Variants in CNTN1 observed in about 807,000 individuals in gnomAD.
The protein encoded by CNTN1 is contactin 1, also known as contactin-1.
Under a neutral mutation model 126.4 loss-of-function variants are expected in CNTN1, and 38 were observed. The ratio of observed to expected loss-of-function variants is 0.30; its 90% CI spans 0.23 to 0.39. The LOEUF is 0.39. Ranked by LOEUF, CNTN1 falls within the 10% of genes least tolerant of loss-of-function variation. The probability of loss-of-function intolerance (pLI) is 1.00; values close to 1 mark genes in which losing one functional copy is unlikely to be tolerated. For synonymous variants in CNTN1, 413 were observed against 422.6 expected (o/e 0.98, Z 0.28); for missense variants, 1,009 against 1,248.4 (o/e 0.81, Z 2.89).
At chr12:40,739,080 C>A (rs1937822073) in intron 1 of CNTN1, among the ~76,000 whole-genome samples, 1 of 152,042 alleles carries the variant, frequency 6.6e-6, no homozygotes, top group Non-Finnish European at 1.5e-5. Flanking sequence ...AGACATTTTT[C>A]TGGCATCAGT....
At chr12:40,801,543 C>T (rs934509625) in intron 1 of CNTN1, among the ~76,000 whole-genome samples, 1 of 151,832 alleles carries the variant, frequency 6.6e-6, no homozygotes, top group Non-Finnish European at 1.5e-5. Context: ...GAAGATACAA[C>T]CTCAAATATG....
At chr12:40,720,054 T>C (rs2031089490) in intron 1 of CNTN1, among the ~76,000 whole-genome samples, 2 of 149,290 alleles carry the variant, frequency 1.3e-5, no homozygotes, top group African/African-American at 2.5e-5. Context: ...GGTTTTACCA[T>C]GTTGGTCAGC....
Position 40,804,911 on chromosome 12 carries a change from C to T in CNTN1, c.-76-103446C>T, listed in dbSNP as rs185549656. Among the ~76,000 whole-genome samples, 190 of 151,900 alleles carry T rather than the reference C, an allele frequency of 1.3e-3. 7 individuals are homozygous for T. The highest frequency in any genetic ancestry group is 0.011 in the Admixed American group (173 of 15,218). ...CTGCATTTTTGAAAGATTTTCACTG[C>T]GTATCAGATTATGGATTGACAGTTG... On this transcript the variant is annotated intron_variant, in intron 1 of 23. Transcript: ENST00000551295.
At chr12:41,064,325 A>C (rs986679501) in intron 23 of CNTN1, among the ~76,000 whole-genome samples, 5 of 152,174 alleles carry the variant, frequency 3.3e-5, no homozygotes, top group African/African-American at 1.2e-4. Flanking sequence ...AAAACCAAAG[A>C]TCCCTGACTA....
intron 3 of CNTN1, among the ~76,000 whole-genome samples, chr12:40,912,656 T>C (rs1357588797): frequency 6.6e-6 from 1 of 152,174 alleles, no homozygotes; most frequent in Admixed American, 6.5e-5. Flanking sequence ...CTATCTTCAT[T>C]GCTTAGCTGT....
chr12:40,724,443 A>G (rs11178069), intron 1 of CNTN1, among the ~76,000 whole-genome samples: 1,530 of 152,328 alleles, frequency 0.01, 19 homozygotes, highest in Non-Finnish European at 0.017. Flanking sequence ...TTGACTTCCA[A>G]CACAACTTAA....
At chr12:40,887,912 G>A (rs11830376) in intron 1 of CNTN1, among the ~76,000 whole-genome samples, 162 of 150,806 alleles carry the variant, frequency 1.1e-3, no homozygotes, top group African/African-American at 3.7e-3. Flanking sequence ...ACTATCGCAA[G>A]GACAAAAAAC....
intron 1 of CNTN1, among the ~76,000 whole-genome samples, chr12:40,890,753 A>G (rs1312620416): frequency 6.6e-6 from 1 of 152,132 alleles, no homozygotes; most frequent in Non-Finnish European, 1.5e-5. Context: ...TGATTCCTCT[A>G]CTAAAGGATG....
Position 40,922,240 on chromosome 12 carries a change from T to G in CNTN1, c.228-16T>G. On this transcript the variant is annotated splice_polypyrimidine_tract_variant and intron_variant, in intron 4 of 23. Coordinates refer to ENST00000551295, the MANE Select transcript of CNTN1 (RefSeq NM_001843.4). ...CTCATGACCTGTGATATGACCTTTG[T>G]GTCTTTTTCTCATAGATGGAGAATG... 1 of 1,612,778 alleles carries G rather than the reference T, an allele frequency of 6.2e-7. No homozygotes were observed. Among genetic ancestry groups the G allele is most frequent in the African/African-American group, 1.3e-5 (1 of 74,998 alleles).
chr12:40,768,073 A>G (rs1939187693), intron 1 of CNTN1, among the ~76,000 whole-genome samples: 1 of 152,198 alleles, frequency 6.6e-6, no homozygotes, highest in African/African-American at 2.4e-5. Context: ...TCTTCACAGT[A>G]CAAATGGAGA....
intron 1 of CNTN1, among the ~76,000 whole-genome samples, chr12:40,814,589 G>A (rs538110112): frequency 1.4e-3 from 219 of 152,264 alleles, no homozygotes; most frequent in Middle Eastern, 3.4e-3. Flanking sequence ...TGCTGTTTTG[G>A]TTACTGTAGG....
At chr12:40,694,874 A>G (rs1186218021) in intron 1 of CNTN1, among the ~76,000 whole-genome samples, 1 of 152,150 alleles carries the variant, frequency 6.6e-6, no homozygotes, top group Non-Finnish European at 1.5e-5. Flanking sequence ...GGGCCATAAA[A>G]AGCATGCATG....
chr12:41,035,602 CTCTTTATATTTT>C (rs531454779), intron 23 of CNTN1, among the ~76,000 whole-genome samples: 2,012 of 152,200 alleles, frequency 0.013, 53 homozygotes, highest in African/African-American at 0.046. Context: ...AAATGAGTGG[CTCTTTATATTTT>C]TCTTTATATT....
intron 1 of CNTN1, among the ~76,000 whole-genome samples, chr12:40,721,695 TC>T (rs1208519168): frequency 7.1e-5 from 6 of 83,992 alleles, no homozygotes; most frequent in Non-Finnish European, 1.2e-4. Flanking sequence ...ATGCTATCCC[TC>T]CCCCCTCCCC....
In CNTN1 at chr12:40,933,918, A is replaced by G. The variant is rs1341321543; in HGVS notation, c.985+40A>G. 4.6e-6 allele frequency: 7 copies of G among 1,527,086 alleles called. No homozygotes were observed. In the South Asian group the frequency reaches 6.8e-5, roughly 15 times the overall value. The allele number at this position is 1,527,086 out of a possible 1,614,324, so 94.6% of individuals were successfully genotyped here. On this transcript the variant is annotated intron_variant, in intron 9 of 23. Coordinates refer to ENST00000551295, the MANE Select transcript of CNTN1 (RefSeq NM_001843.4). ...TTAATTTTGTATAAATTTCATCAGTATCTTATTTAGAGCCATTTCCATACA... is the reference window on the plus strand; with the variant it reads ...TTAATTTTGTATAAATTTCATCAGTGTCTTATTTAGAGCCATTTCCATACA...
intron 1 of CNTN1, among the ~76,000 whole-genome samples, chr12:40,695,114 T>C (rs529932737): frequency 3.2e-4 from 49 of 152,330 alleles, no homozygotes; most frequent in Middle Eastern, 3.4e-3. Flanking sequence ...TGTTTTCTAA[T>C]TAGGAAGTAC....
intron 1 of CNTN1, among the ~76,000 whole-genome samples, chr12:40,888,104 T>G (rs1944110689): frequency 6.6e-6 from 1 of 151,942 alleles, no homozygotes; most frequent in African/African-American, 2.4e-5. Context: ...ACATGGCACA[T>G]GTATACATAT....
At chr12:40,764,721 G>A (rs1180922422) in intron 1 of CNTN1, among the ~76,000 whole-genome samples, 1 of 152,204 alleles carries the variant, frequency 6.6e-6, no homozygotes, top group Non-Finnish European at 1.5e-5. Flanking sequence ...AGGGAAAAAT[G>A]TAAGACTGTC....
At chr12:40,874,730 T>A (rs186299307) in intron 1 of CNTN1, among the ~76,000 whole-genome samples, 5 of 152,294 alleles carry the variant, frequency 3.3e-5, no homozygotes, top group Admixed American at 6.5e-5. Flanking sequence ...TCCACGCTAT[T>A]ATTGATGTAT....
Sources: allele counts gnomAD v4.1 joint callset (sites outside exome capture counted in the v4.1 genomes callset), GRCh38; gene constraint gnomAD v4.1.1; transcripts MANE v1.5; gene names NCBI Gene and HGNC (gene_info 2026-07-23, HGNC 2026-07-21).